SIN3A: variants seen among roughly 807,000 people sequenced by gnomAD.
SIN3A encodes the protein SIN3 transcription regulator family member A.
Under a neutral mutation model 146.1 loss-of-function variants are expected in SIN3A, and 14 were observed. The observed-to-expected ratio is 0.10, with a 90% CI of 0.06 to 0.15. SIN3A has a LOEUF of 0.15. SIN3A is among the 10% of genes least tolerant of loss of function. The probability of loss-of-function intolerance (pLI) is 1.00; values close to 1 mark genes in which losing one functional copy is unlikely to be tolerated. For synonymous variants in SIN3A, 572 were observed against 572.0 expected (o/e 1.00, Z 0.00); for missense variants, 1,028 against 1,576.0 (o/e 0.65, Z 5.89).
intron 5 of SIN3A, among the ~76,000 whole-genome samples, chr15:75,412,103 A>G (rs2073651134): frequency 6.6e-6 from 1 of 152,246 alleles, no homozygotes; most frequent in Non-Finnish European, 1.5e-5. Flanking sequence ...CAACTGTTGC[A>G]GTAGCTCCAC....
At chr15:75,405,458 TA>T (rs1008019073) in intron 9 of SIN3A, among the ~76,000 whole-genome samples, 1 of 150,978 alleles carries the variant, frequency 6.6e-6, no homozygotes, top group Non-Finnish European at 1.5e-5. Context: ...ATTAATGTCT[TA>T]AAAATTGGCT....
chr15:75,387,564 A>T (rs1196854035), intron 16 of SIN3A, among the ~76,000 whole-genome samples: 3 of 122,370 alleles, frequency 2.5e-5, no homozygotes, highest in African/African-American at 8.3e-5. Flanking sequence ...TTTCCATTAA[A>T]AAAAAAAAAA....
intron 1 of SIN3A, among the ~76,000 whole-genome samples, chr15:75,441,245 G>A (rs907265922): frequency 2.0e-5 from 3 of 151,924 alleles, no homozygotes; most frequent in African/African-American, 7.3e-5. Flanking sequence ...GGGAGGTGGA[G>A]GTTGACCGAG....
intron 2 of SIN3A, among the ~76,000 whole-genome samples, chr15:75,424,488 T>C (rs2073891968): frequency 1.3e-5 from 2 of 152,210 alleles, no homozygotes; most frequent in South Asian, 4.1e-4. Flanking sequence ...CTTACCTTTT[T>C]ATTGAGACAG....
intron 8 of SIN3A, among the ~76,000 whole-genome samples, chr15:75,407,584 T>C (rs2073538124): frequency 2.0e-5 from 3 of 152,078 alleles, no homozygotes; most frequent in Admixed American, 2.0e-4. Flanking sequence ...AATATTTCAA[T>C]TAAAAATTTA....
rs2073605317 is a variant in SIN3A, at chr15:75,410,244, G to A, written c.1051C>T (p.Pro351Ser). 3 of 1,613,926 alleles carry A rather than the reference G, an allele frequency of 1.9e-6. No individual in the cohort carries two copies. The highest frequency in any genetic ancestry group is 1.1e-5 in the South Asian group (1 of 91,034). ...TACACCTCCTGCTCTGTCAATGCTG[G>A]AGTGTAGTTTCCTCCAGCTTCCTTG... ...NAKEAGGNYT[P>S]ALTEQEVYAQ... is the part of the protein sequence containing the mutation. Residue 351 changes from proline (P) to serine (S), a missense_variant, in exon 7 of 21, where the codon CCA becomes TCA. Around this residue, in one of 9 missense-constraint regions of SIN3A, gnomAD observed 40 missense variants for 74.0 expected, o/e 0.54. Coordinates refer to ENST00000394947, the MANE Select transcript of SIN3A (RefSeq NM_001145358.2).
chr15:75,415,012 T>C (rs997062791), intron 3 of SIN3A, among the ~76,000 whole-genome samples: 3 of 152,196 alleles, frequency 2.0e-5, no homozygotes, highest in Non-Finnish European at 4.4e-5. Context: ...AGGATCTAGA[T>C]TCTGAAAGGA....
intron 3 of SIN3A, among the ~76,000 whole-genome samples, chr15:75,416,277 T>C (rs927555049): frequency 1.3e-5 from 2 of 152,220 alleles, no homozygotes; most frequent in Non-Finnish European, 2.9e-5. Context: ...CTTTCCCTTC[T>C]AGTTTTGAGA....
In SIN3A at chr15:75,380,609, A is replaced by T; in HGVS notation, c.3383+20T>A. ...ATCATGCACAGTATGGACTGCTGAC[A>T]GATGACATGGCTCACTCACCTGGGG... is the stretch of plus-strand genomic sequence containing the variant. On this transcript the variant is annotated intron_variant, in intron 19 of 20. Transcript: ENST00000394947. 6.4e-7 allele frequency: 1 copy of T among 1,567,196 alleles called. No homozygotes were observed. Among genetic ancestry groups the T allele is most frequent in the Non-Finnish European group, 8.8e-7 (1 of 1,137,156 alleles).
At chr15:75,389,114 C>T (rs1462867767) in intron 16 of SIN3A, among the ~76,000 whole-genome samples, 2 of 152,052 alleles carry the variant, frequency 1.3e-5, no homozygotes, top group African/African-American at 4.8e-5. Flanking sequence ...GTTATGTGAA[C>T]CCTTTCTTAT....
At position 75,430,229 on chromosome 15, in the gene SIN3A, C is replaced by T; in HGVS notation, c.147G>A (p.Gln49=). The change falls in exon 2 of 21, where the codon CAG becomes CAA. Residue 49 remains glutamine, a synonymous_variant. Coordinates refer to ENST00000394947, the MANE Select transcript of SIN3A (RefSeq NM_001145358.2). ...CAGAGTACTGAATTCCCGTAGCTGA[C>T]TGCATGGTCTCAGACACTGCTTCAT... The part of the protein sequence containing the change: ...PVYEAVSETM[Q]SATGIQYSVT... 6.2e-7 allele frequency: 1 copy of T among 1,614,176 alleles called. No individual in the cohort carries two copies. Among genetic ancestry groups the T allele is most frequent in the Non-Finnish European group, 8.5e-7 (1 of 1,180,028 alleles).
At chr15:75,403,735 G>A (rs923684824) in intron 9 of SIN3A, among the ~76,000 whole-genome samples, 25 of 151,804 alleles carry the variant, frequency 1.6e-4, no homozygotes, top group Non-Finnish European at 2.1e-4. Flanking sequence ...TAGTAGAGAC[G>A]GGGTTTCACC....
At chr15:75,401,996 C>T in intron 9 of SIN3A, 26 bp from the exon 10 acceptor site, 1 of 1,476,176 alleles carries the variant, frequency 6.8e-7, no homozygotes, top group East Asian at 2.3e-5. Flanking sequence ...GGAAGAAAAA[C>T]AGTTTTTGTT....
intron 4 of SIN3A, 100 bp from the exon 5 acceptor site, chr15:75,413,145 C>T (rs577973832): frequency 8.5e-7 from 1 of 1,172,084 alleles, no homozygotes; most frequent in South Asian, 1.6e-5. Flanking sequence ...CGGAGTCTCA[C>T]TCTGTTGCCC....
chr15:75,380,599 G>C, intron 19 of SIN3A, 30 bp downstream of exon 19: 1 of 1,483,274 alleles, frequency 6.7e-7, no homozygotes. Flanking sequence ...GCACAGTATG[G>C]ACTGCTGACA....
chr15:75,380,174 G>A (rs1345976959), intron 19 of SIN3A, among the ~76,000 whole-genome samples: 1 of 152,210 alleles, frequency 6.6e-6, no homozygotes, highest in Non-Finnish European at 1.5e-5. Context: ...TGCATGTGTT[G>A]TCACATTCAT....
At chr15:75,378,905 T>TAC (rs957291463) in intron 19 of SIN3A, among the ~76,000 whole-genome samples, 1 of 149,742 alleles carries the variant, frequency 6.7e-6, no homozygotes, top group African/African-American at 2.4e-5. Context: ...TATATATATA[T>TAC]ATATTTTATT....
At chr15:75,386,244 TC>T (rs1320197727) in intron 16 of SIN3A, among the ~76,000 whole-genome samples, 1 of 152,192 alleles carries the variant, frequency 6.6e-6, no homozygotes, top group Non-Finnish European at 1.5e-5. Context: ...CCCAGTCTGA[TC>T]TCAAACTTCT....
intron 16 of SIN3A, among the ~76,000 whole-genome samples, chr15:75,385,740 A>C (rs1220090083): frequency 6.6e-6 from 1 of 152,216 alleles, no homozygotes; most frequent in African/African-American, 2.4e-5. Context: ...TTTATTCTTA[A>C]GTCCTAAATG....
Sources: gnomAD v4.1 joint callset for allele counts (sites outside exome capture counted in the v4.1 genomes callset) on GRCh38, gnomAD v4.1.1 for gene constraint, gnomAD v4.1.1 regional missense constraint, MANE v1.5 for transcripts, NCBI Gene and HGNC (gene_info 2026-07-23, HGNC 2026-07-21) for gene names.